SLC22A3: variants seen among roughly 807,000 people sequenced by gnomAD.
SLC22A3 encodes the protein EMT organic cation transporter 3.
Under a neutral mutation model 59.1 loss-of-function variants are expected in SLC22A3, and 51 were observed. The ratio of observed to expected loss-of-function variants is 0.86; its 90% CI spans 0.69 to 1.09. SLC22A3 has a LOEUF of 1.09. Ranked by LOEUF, SLC22A3 falls within the 50% of genes least tolerant of loss-of-function variation. The probability of loss-of-function intolerance (pLI) is 0.00; values close to 1 mark genes in which losing one functional copy is unlikely to be tolerated. For missense variants in SLC22A3, 711 were observed against 726.3 expected, an observed-to-expected ratio of 0.98 and a Z score of 0.24; for synonymous variants, 325 against 292.0, an observed-to-expected ratio of 1.11 and a Z score of -1.15.
At chr6:160,350,769 C>T (rs978109014) in intron 1 of SLC22A3, among the ~76,000 whole-genome samples, 2 of 152,190 alleles carry the variant, frequency 1.3e-5, no homozygotes, top group Non-Finnish European at 2.9e-5. Context: ...TGCAGGGTTA[C>T]TAGCATCCCG....
chr6:160,380,379 G>A (rs1311395597), intron 1 of SLC22A3, among the ~76,000 whole-genome samples: 3 of 151,940 alleles, frequency 2.0e-5, no homozygotes, highest in Non-Finnish European at 4.4e-5. Flanking sequence ...GAAAAGTAAA[G>A]GCATGTAATC....
At chr6:160,438,654 T>C (rs1266896024) in intron 7 of SLC22A3, among the ~76,000 whole-genome samples, 1 of 151,898 alleles carries the variant, frequency 6.6e-6, no homozygotes, top group Non-Finnish European at 1.5e-5. Flanking sequence ...TGTTGGAATG[T>C]TTGATGATGA....
chr6:160,389,047 C>T (rs555049314), intron 1 of SLC22A3, among the ~76,000 whole-genome samples: 144 of 152,246 alleles, frequency 9.5e-4, no homozygotes, highest in Non-Finnish European at 1.5e-3. Context: ...GGGAAGACTC[C>T]CCTCTTGGGC....
intron 9 of SLC22A3, among the ~76,000 whole-genome samples, chr6:160,446,406 A>G (rs1342783091): frequency 6.6e-6 from 1 of 152,198 alleles, no homozygotes; most frequent in Non-Finnish European, 1.5e-5. Flanking sequence ...AAGAGGTTTA[A>G]TTGACTCACA....
At chr6:160,431,536 T>C (rs1303252411) in intron 5 of SLC22A3, among the ~76,000 whole-genome samples, 1 of 152,216 alleles carries the variant, frequency 6.6e-6, no homozygotes, top group Non-Finnish European at 1.5e-5. Context: ...TTCACAGTCC[T>C]GACTCCCTTC....
At chr6:160,357,692 C>A (rs1158496770) in intron 1 of SLC22A3, among the ~76,000 whole-genome samples, 15 of 152,084 alleles carry the variant, frequency 9.9e-5, no homozygotes, top group Admixed American at 9.8e-4. Context: ...AAAGAAAATA[C>A]CCATAGAGAA....
At chr6:160,404,235 T>C (rs1184777344) in intron 2 of SLC22A3, among the ~76,000 whole-genome samples, 1 of 151,246 alleles carries the variant, frequency 6.6e-6, no homozygotes, top group African/African-American at 2.4e-5. Flanking sequence ...TAAGTGAGTA[T>C]AGTGAAGTTG....
At chr6:160,391,191 AG>A (rs1364334816) in intron 1 of SLC22A3, among the ~76,000 whole-genome samples, 4 of 151,980 alleles carry the variant, frequency 2.6e-5, no homozygotes, top group Non-Finnish European at 5.9e-5. Flanking sequence ...TAGGGTGTTG[AG>A]GGAGGGGGGA....
At chr6:160,413,183 C>T (rs1787326578) in intron 5 of SLC22A3, among the ~76,000 whole-genome samples, 2 of 152,068 alleles carry the variant, frequency 1.3e-5, no homozygotes. Context: ...AGTCTGATTC[C>T]CCGAAGCAGC....
intron 10 of SLC22A3, among the ~76,000 whole-genome samples, chr6:160,450,749 C>A (rs1788923533): frequency 6.6e-6 from 1 of 152,132 alleles, no homozygotes; most frequent in African/African-American, 2.4e-5. Flanking sequence ...GAAATCTTCA[C>A]AATTTATATT....
At chr6:160,362,875 C>T (rs540550651) in intron 1 of SLC22A3, among the ~76,000 whole-genome samples, 1 of 152,354 alleles carries the variant, frequency 6.6e-6, no homozygotes, top group South Asian at 2.1e-4. Flanking sequence ...TCCAACAGGG[C>T]TGGGCCGCGG....
At chr6:160,384,536 ACCAG>A (rs1785922001) in intron 1 of SLC22A3, among the ~76,000 whole-genome samples, 2 of 152,128 alleles carry the variant, frequency 1.3e-5, no homozygotes, top group Non-Finnish European at 2.9e-5. Flanking sequence ...CACCTTAGAG[ACCAG>A]GAAAGACTCA....
intron 5 of SLC22A3, among the ~76,000 whole-genome samples, chr6:160,435,873 G>GA (rs1788316992): frequency 6.6e-6 from 1 of 152,268 alleles, no homozygotes; most frequent in African/African-American, 2.4e-5. Context: ...AACAGTTGTT[G>GA]AACACCAGGC....
chr6:160,352,747 T>C (rs1784701600), intron 1 of SLC22A3, among the ~76,000 whole-genome samples: 1 of 152,242 alleles, frequency 6.6e-6, no homozygotes, highest in Non-Finnish European at 1.5e-5. Context: ...ACAAAAATTT[T>C]ATGTTGGCCC....
chr6:160,375,645 TAA>T (rs1235065823), intron 1 of SLC22A3, among the ~76,000 whole-genome samples: 1 of 152,218 alleles, frequency 6.6e-6, no homozygotes, highest in Non-Finnish European at 1.5e-5. Flanking sequence ...AAGAAAGGAA[TAA>T]AGTCTTGTTT....
Position 160,437,120 on chromosome 6 carries a change from A to C in SLC22A3, c.1197A>C (p.Leu399=). The C allele has an allele frequency of 6.2e-7, 1 of 1,614,130 alleles. No homozygotes were observed. The highest frequency in any genetic ancestry group is 8.5e-7 in the Non-Finnish European group (1 of 1,179,998). The change falls in exon 7 of 11, where the codon CTA becomes CTC. Residue 399 remains leucine, a synonymous_variant. Coordinates refer to ENST00000275300, the MANE Select transcript of SLC22A3 (RefSeq NM_021977.4). ...VELPGALLIL[L]TIERLGRRLP... Reference sequence around the variant, plus strand: ...TGCCAGGAGCTCTCTTGATCTTACTAACCATTGAGCGCCTTGGACGACGCC... The same window carrying C: ...TGCCAGGAGCTCTCTTGATCTTACTCACCATTGAGCGCCTTGGACGACGCC...
Position 160,348,512 on chromosome 6 carries a change from C to T in SLC22A3, c.93C>T (p.Thr31=). The T allele has an allele frequency of 6.4e-7, 1 of 1,564,428 alleles. No homozygotes were observed. The highest frequency in any genetic ancestry group is 8.6e-7 in the Non-Finnish European group (1 of 1,162,898). The part of the protein sequence containing the change: ...VFLLLCLTGV[T]FAFLFVGVVF... ...TGCTGCTGTGCCTGACGGGCGTCAC[C>T]TTCGCCTTCCTCTTCGTCGGCGTGG... is the stretch of plus-strand genomic sequence containing the variant. The change falls in exon 1 of 11, where the codon ACC becomes ACT. Residue 31 remains threonine (T), a synonymous_variant. Transcript: ENST00000275300.
In SLC22A3 at chr6:160,443,659, T is replaced by C; in HGVS notation, c.1427T>C (p.Leu476Pro). The change falls in exon 9 of 11, where the codon CTG (leucine) becomes CCG (proline). Residue 476 changes from leucine to proline, a missense_variant. By Grantham distance (98) the Leu-to-Pro change is moderately conservative. Coordinates refer to ENST00000275300, the MANE Select transcript of SLC22A3 (RefSeq NM_021977.4). ...RNFGVSLCSG[L>P]CDFGGIIAPF... ...TTCGGAGTTTCGCTCTGTTCAGGTCTGTGTGATTTTGGGGGAATCATAGCC... is the reference window on the plus strand; with the variant it reads ...TTCGGAGTTTCGCTCTGTTCAGGTCCGTGTGATTTTGGGGGAATCATAGCC... The C allele has an allele frequency of 2.5e-6, 4 of 1,613,770 alleles. No homozygotes were observed. Among genetic ancestry groups the C allele is most frequent in the Non-Finnish European group, 3.4e-6 (4 of 1,179,794 alleles).
At chr6:160,379,484 G>C (rs533582288) in intron 1 of SLC22A3, among the ~76,000 whole-genome samples, 21 of 152,314 alleles carry the variant, frequency 1.4e-4, no homozygotes, top group South Asian at 1.2e-3. Flanking sequence ...CTTTCTTCCT[G>C]ATGGGTTAAT....
Sources: gnomAD v4.1 joint callset for allele counts (sites outside exome capture counted in the v4.1 genomes callset) on GRCh38, gnomAD v4.1.1 for gene constraint, MANE v1.5 for transcripts, NCBI Gene and HGNC (gene_info 2026-07-23, HGNC 2026-07-21) for gene names.